Variants in SEL1L2 observed in about 807,000 individuals in gnomAD.
SEL1L2 encodes the protein protein sel-1 homolog 2.
Under a neutral mutation model 98.8 loss-of-function variants are expected in SEL1L2, and 89 were observed. The ratio of observed to expected loss-of-function variants is 0.90; its 90% CI spans 0.76 to 1.07. The LOEUF (loss-of-function observed/expected upper bound fraction) is 1.07. SEL1L2 is among the 50% of genes least tolerant of loss of function. The pLI is 0.00. For synonymous variants in SEL1L2, 262 were observed against 278.5 expected, an observed-to-expected ratio of 0.94 and a Z score of 0.59; for missense variants, 788 against 812.0, an observed-to-expected ratio of 0.97 and a Z score of 0.36.
At chr20:13,955,424 G>C (rs141056871) in intron 2 of SEL1L2, among the ~76,000 whole-genome samples, 3 of 151,976 alleles carry the variant, frequency 2.0e-5, no homozygotes, top group Non-Finnish European at 4.4e-5. Context: ...AACACGAAAG[G>C]GGGGCACATG....
intron 4 of SEL1L2, among the ~76,000 whole-genome samples, chr20:13,916,192 G>C (rs1967438760): frequency 6.6e-6 from 1 of 152,214 alleles, no homozygotes; most frequent in African/African-American, 2.4e-5. Context: ...AATTGGTCCA[G>C]GATGTGGGTG....
At chr20:13,907,003 A>G (rs2047962541) in intron 5 of SEL1L2, among the ~76,000 whole-genome samples, 1 of 152,230 alleles carries the variant, frequency 6.6e-6, no homozygotes. Flanking sequence ...TGAAATAAAT[A>G]AAGAAAATGT....
At chr20:13,985,972 C>G (rs1277985345) in intron 1 of SEL1L2, among the ~76,000 whole-genome samples, 2 of 152,124 alleles carry the variant, frequency 1.3e-5, no homozygotes, top group East Asian at 3.9e-4. Flanking sequence ...TATCATACTT[C>G]GTTTGTTGTT....
intron 5 of SEL1L2, among the ~76,000 whole-genome samples, chr20:13,906,212 G>A (rs1357084830): frequency 6.6e-6 from 1 of 152,098 alleles, no homozygotes; most frequent in Non-Finnish European, 1.5e-5. Context: ...CCATTATGCT[G>A]TGTTTTTAAG....
At chr20:13,866,508 T>C (rs1316461946) in intron 15 of SEL1L2, among the ~76,000 whole-genome samples, 194 bp downstream of exon 15, 1 of 152,182 alleles carries the variant, frequency 6.6e-6, no homozygotes, top group East Asian at 1.9e-4. Flanking sequence ...GAGAGATCTT[T>C]TCTCTGTCTC....
At chr20:13,963,524 C>A (rs1318832568) in intron 1 of SEL1L2, among the ~76,000 whole-genome samples, 3 of 151,784 alleles carry the variant, frequency 2.0e-5, no homozygotes, top group Admixed American at 6.6e-5. Flanking sequence ...CGAGACCAGC[C>A]TGGCCAACAT....
intron 15 of SEL1L2, among the ~76,000 whole-genome samples, chr20:13,865,846 T>C (rs1307423299): frequency 6.6e-6 from 1 of 151,932 alleles, no homozygotes; most frequent in Admixed American, 6.6e-5. Flanking sequence ...TGTGTGTGTG[T>C]GTGTGTGTGT....
At chr20:13,926,091 G>A (rs574969132) in intron 3 of SEL1L2, among the ~76,000 whole-genome samples, 2 of 152,302 alleles carry the variant, frequency 1.3e-5, no homozygotes, top group South Asian at 4.1e-4. Context: ...GGACAAGGCG[G>A]GCGAATCACG....
At chr20:13,948,825 A>G (rs748430638) in intron 2 of SEL1L2, among the ~76,000 whole-genome samples, 9 of 152,208 alleles carry the variant, frequency 5.9e-5, no homozygotes, top group Non-Finnish European at 1.0e-4. Flanking sequence ...GAAGGCTTTA[A>G]TGAGGATCAG....
intron 1 of SEL1L2, among the ~76,000 whole-genome samples, chr20:13,989,715 A>G (rs1398785887): frequency 2.0e-5 from 3 of 152,200 alleles, no homozygotes; most frequent in Non-Finnish European, 4.4e-5. Flanking sequence ...TAGAATGATC[A>G]TGTGATCTTT....
At chr20:13,933,766 T>A (rs1300520363) in intron 2 of SEL1L2, among the ~76,000 whole-genome samples, 1 of 152,130 alleles carries the variant, frequency 6.6e-6, no homozygotes, top group East Asian at 1.9e-4. Context: ...GAAGACTATG[T>A]GGAGAAAAGG....
At chr20:13,961,914 A>G (rs818754) in intron 1 of SEL1L2, among the ~76,000 whole-genome samples, 146,996 of 152,300 alleles carry the variant, frequency 0.97, 71,052 homozygotes, top group East Asian at 1. Context: ...TGTCTAATAT[A>G]GTTTTGCTGT....
chr20:13,903,093 G>A (rs1032532847), intron 5 of SEL1L2, among the ~76,000 whole-genome samples: 3 of 136,322 alleles, frequency 2.2e-5, no homozygotes, highest in Non-Finnish European at 4.6e-5. Context: ...ACTCCAGCCT[G>A]AGCAGCAGAG....
At chr20:13,929,927 A>C (rs1384391896) in intron 3 of SEL1L2, among the ~76,000 whole-genome samples, 1 of 152,064 alleles carries the variant, frequency 6.6e-6, no homozygotes, top group Non-Finnish European at 1.5e-5. Context: ...AGTAGCTTGG[A>C]TTACAGGCAC....
intron 5 of SEL1L2, among the ~76,000 whole-genome samples, chr20:13,898,818 C>T (rs2047532717): frequency 6.6e-6 from 1 of 152,340 alleles, no homozygotes; most frequent in Admixed American, 6.5e-5. Context: ...TCTCGGCTCA[C>T]TGCAACCTCC....
At chr20:13,978,233 G>A (rs572498236) in intron 1 of SEL1L2, among the ~76,000 whole-genome samples, 71 of 152,176 alleles carry the variant, frequency 4.7e-4, no homozygotes, top group Non-Finnish European at 8.1e-4. Context: ...CAACAAAGGT[G>A]CCAAGAACAC....
chr20:13,926,038 G>A (rs2148277367), intron 3 of SEL1L2, among the ~76,000 whole-genome samples: 1 of 152,338 alleles, frequency 6.6e-6, no homozygotes, highest in Non-Finnish European at 1.5e-5. Flanking sequence ...GACCTTCAGG[G>A]CCGGGAGCCG....
At chr20:13,945,754 A>AT (rs1310094581) in intron 2 of SEL1L2, among the ~76,000 whole-genome samples, 7 of 152,206 alleles carry the variant, frequency 4.6e-5, no homozygotes, top group South Asian at 2.1e-4. Context: ...ACCAAGTGGG[A>AT]TTTTTTTCTG....
In SEL1L2 at chr20:13,949,704, A is replaced by AC. The variant is rs200408579; in HGVS notation, c.114+6371_114+6372insG. On this transcript the variant is annotated intron_variant, in intron 2 of 19. Coordinates refer to ENST00000284951, the MANE Select transcript of SEL1L2 (RefSeq NM_025229.2). Reference sequence around the variant, plus strand: ...AACAAACAACAAAAAAAACCAAACAAACAAAAAAGAACAAGTGCTGGAGAC... The same window carrying AC: ...AACAAACAACAAAAAAAACCAAACAACACAAAAAAGAACAAGTGCTGGAGAC... Among the ~76,000 whole-genome samples the AC allele has an allele frequency of 2.5e-3, 355 of 141,516 alleles. 1 individual carries two copies. Among genetic ancestry groups the AC allele is most frequent in the African/African-American group, 9.6e-3 (337 of 35,218 alleles). The allele number at this position is 141,516 out of a possible 152,430, so 92.8% of individuals were successfully genotyped here.
Sources: gnomAD v4.1 joint callset for allele counts (sites outside exome capture counted in the v4.1 genomes callset) on GRCh38, gnomAD v4.1.1 for gene constraint, MANE v1.5 for transcripts, NCBI Gene and HGNC (gene_info 2026-07-23, HGNC 2026-07-21) for gene names.